Variants in MTA3 observed in about 807,000 individuals in gnomAD.
The protein encoded by MTA3 is metastasis-associated protein MTA3.
Under a neutral mutation model 83.5 loss-of-function variants are expected in MTA3, and 34 were observed. The ratio of observed to expected loss-of-function variants is 0.41; its 90% CI spans 0.31 to 0.54. The LOEUF (loss-of-function observed/expected upper bound fraction) is 0.54, where lower values mean the gene tolerates loss of function less well. MTA3 is among the 20% of genes least tolerant of loss of function. The pLI is 0.33. For synonymous variants in MTA3, 303 were observed against 252.7 expected (o/e 1.20, Z -1.89); for missense variants, 761 against 726.4 (o/e 1.05, Z -0.55).
At chr2:42,719,139 A>G in intron 15 of MTA3, 65 bp downstream of exon 15, 2 of 1,214,028 alleles carry the variant, frequency 1.6e-6, no homozygotes, top group African/African-American at 1.5e-5. Context: ...ATATTTGGCA[A>G]TTCTAAATGG....
chr2:42,565,355 T>C (rs940167646), upstream of MTA3, among the ~76,000 whole-genome samples: 3 of 151,542 alleles, frequency 2.0e-5, no homozygotes, highest in Non-Finnish European at 4.4e-5. Context: ...CTAACTTTTT[T>C]TTTTTTTTTT....
intron 3 of MTA3, among the ~76,000 whole-genome samples, chr2:42,598,504 C>T (rs1041007944): frequency 6.6e-6 from 1 of 152,136 alleles, no homozygotes; most frequent in African/African-American, 2.4e-5. Flanking sequence ...TCTGTTTAAA[C>T]CCTCTGTATT....
intron 16 of MTA3, 36 bp from the exon 17 acceptor site, chr2:42,753,338 T>C: frequency 1.3e-6 from 2 of 1,550,392 alleles, no homozygotes; most frequent in Non-Finnish European, 1.7e-6. Context: ...CCATCGGGAC[T>C]TGTTTAACCT....
intron 4 of MTA3, among the ~76,000 whole-genome samples, chr2:42,631,377 G>T (rs1686658424): frequency 6.6e-6 from 1 of 152,154 alleles, no homozygotes; most frequent in Non-Finnish European, 1.5e-5. Context: ...CCTTTCCTTT[G>T]AATTAACTGC....
intron 9 of MTA3, among the ~76,000 whole-genome samples, chr2:42,683,940 T>TC (rs1233766639): frequency 1.3e-5 from 2 of 152,162 alleles, no homozygotes; most frequent in African/African-American, 4.8e-5. Flanking sequence ...AATTTTTTTT[T>TC]CCTCAGCTTT....
upstream of MTA3, among the ~76,000 whole-genome samples, chr2:42,566,121 T>C (rs77676516): frequency 2.7e-3 from 412 of 152,252 alleles, 2 homozygotes; most frequent in African/African-American, 9.7e-3. Context: ...TCAAGGTCTT[T>C]ATAGTTAAAC....
At chr2:42,700,484 CAAAT>C (rs1158322957) in intron 11 of MTA3, among the ~76,000 whole-genome samples, 2 of 152,154 alleles carry the variant, frequency 1.3e-5, no homozygotes, top group African/African-American at 4.8e-5. Flanking sequence ...TGTATTCAAT[CAAAT>C]AACGTTCTAG....
At chr2:42,715,406 CTT>C (rs35673744) in intron 14 of MTA3, among the ~76,000 whole-genome samples, 3,486 of 103,968 alleles carry the variant, frequency 0.034, 33 homozygotes, top group African/African-American at 0.047. Context: ...CCACCAACTA[CTT>C]TTTTTTTTTT....
intron 16 of MTA3, among the ~76,000 whole-genome samples, chr2:42,751,646 C>T (rs1485341196): frequency 6.6e-6 from 1 of 152,156 alleles, no homozygotes; most frequent in Admixed American, 6.5e-5. Context: ...GGCACCAGAA[C>T]CTGAGATGCT....
chr2:42,637,799 C>T (rs1687330973), intron 4 of MTA3, among the ~76,000 whole-genome samples: 1 of 152,020 alleles, frequency 6.6e-6, no homozygotes. Context: ...ACCTGTGTTT[C>T]CTTATTTCCT....
At chr2:42,645,323 G>A (rs1357575777) in intron 6 of MTA3, among the ~76,000 whole-genome samples, 2 of 151,946 alleles carry the variant, frequency 1.3e-5, no homozygotes, top group Admixed American at 6.6e-5. Context: ...CCAGGAGTTC[G>A]AGACCAGCCT....
chr2:42,641,959 G>A (rs1203299386), intron 5 of MTA3, among the ~76,000 whole-genome samples: 1 of 151,832 alleles, frequency 6.6e-6, no homozygotes, highest in African/African-American at 2.4e-5. Flanking sequence ...TACACTAAAA[G>A]CCCAGACTTT....
intron 16 of MTA3, among the ~76,000 whole-genome samples, chr2:42,745,865 A>G (rs985221665): frequency 7.9e-6 from 1 of 127,354 alleles, no homozygotes; most frequent in East Asian, 2.6e-4. Context: ...CCAGATGGGA[A>G]TGCAGTGGCT....
chr2:42,614,744 G>A (rs912489061), intron 4 of MTA3, among the ~76,000 whole-genome samples: 3 of 152,178 alleles, frequency 2.0e-5, no homozygotes, highest in African/African-American at 4.8e-5. Flanking sequence ...AGAGGCCGGG[G>A]TGGGAGGATT....
intron 12 of MTA3, among the ~76,000 whole-genome samples, chr2:42,706,032 G>A (rs1158267135): frequency 6.6e-6 from 1 of 152,034 alleles, no homozygotes; most frequent in Admixed American, 6.6e-5. Flanking sequence ...TAAAATGTAT[G>A]TTTTAAGTGA....
chr2:42,529,771 T>C (rs1291658927), intron 2 of MTA3, among the ~76,000 whole-genome samples: 2 of 152,190 alleles, frequency 1.3e-5, no homozygotes, highest in Non-Finnish European at 2.9e-5. Context: ...GGGCACAGAA[T>C]GGTGTAGGGC....
chr2:42,688,651 G>C (rs1431908609), intron 9 of MTA3, among the ~76,000 whole-genome samples: 1 of 133,620 alleles, frequency 7.5e-6, no homozygotes, highest in Non-Finnish European at 1.6e-5. Flanking sequence ...CTCCTAATCT[G>C]CAGCTTTTAT....
chr2:42,588,525 GT>G (rs1321866507), intron 3 of MTA3, among the ~76,000 whole-genome samples: 1 of 152,168 alleles, frequency 6.6e-6, no homozygotes, highest in Non-Finnish European at 1.5e-5. Context: ...TCTTCTTTCA[GT>G]TTTGCTAGAA....
At chr2:42,663,657 C>T (rs572404091) in intron 8 of MTA3, among the ~76,000 whole-genome samples, 1 of 152,062 alleles carries the variant, frequency 6.6e-6, no homozygotes, top group Non-Finnish European at 1.5e-5. Context: ...TCCAACTATT[C>T]GTGAGGCTGA....
Sources: gnomAD v4.1 joint callset for allele counts (sites outside exome capture counted in the v4.1 genomes callset) on GRCh38, gnomAD v4.1.1 for gene constraint, MANE v1.5 for transcripts, NCBI Gene and HGNC (gene_info 2026-07-23, HGNC 2026-07-21) for gene names.